Variants in MYO1F observed in about 807,000 individuals in gnomAD.
MYO1F encodes unconventional myosin-If.
A neutral mutation model predicts 146.6 loss-of-function variants in MYO1F; 60 were observed. The observed-to-expected ratio is 0.41, with a 90% confidence interval of 0.33 to 0.51. The LOEUF (loss-of-function observed/expected upper bound fraction) is 0.51. Ranked by LOEUF, MYO1F falls within the 20% of genes least tolerant of loss-of-function variation. The pLI, the probability that MYO1F is intolerant of heterozygous loss-of-function variation, is 0.25. For missense variants in MYO1F, 1,274 were observed against 1,534.3 expected, an observed-to-expected ratio of 0.83 and a Z score of 2.83; for synonymous variants, 602 against 602.1, an observed-to-expected ratio of 1.00 and a Z score of 0.00.
chr19:8,568,467 C>T (rs531396535), intron 1 of MYO1F, among the ~76,000 whole-genome samples: 17 of 144,790 alleles, frequency 1.2e-4, no homozygotes, highest in African/African-American at 2.8e-4. Flanking sequence ...CTGTTTGCAT[C>T]GAAGGGAGAG....
chr19:8,544,216 G>A, intron 14 of MYO1F, 81 bp downstream of exon 14: 1 of 1,466,784 alleles, frequency 6.8e-7, no homozygotes, highest in Non-Finnish European at 9.5e-7. Context: ...TCCAGCCTGG[G>A]TGCTGGAGGG....
intron 13 of MYO1F, 164 bp downstream of exon 13, chr19:8,545,486 G>A (rs1405405513): frequency 9.9e-6 from 7 of 710,184 alleles, no homozygotes; most frequent in Non-Finnish European, 1.8e-5. Flanking sequence ...GAATGGATGA[G>A]GGGCGGAAGG....
At chr19:8,540,115 G>A (rs1402705331) in intron 15 of MYO1F, 87 bp from the exon 16 acceptor site, 9 of 1,000,604 alleles carry the variant, frequency 9.0e-6, no homozygotes, top group South Asian at 1.5e-5. Context: ...CCTCAATGCC[G>A]CAACGCAAAA....
chr19:8,556,176 C>T (rs945392997), intron 1 of MYO1F, among the ~76,000 whole-genome samples: 4 of 151,132 alleles, frequency 2.6e-5, no homozygotes, highest in Non-Finnish European at 5.9e-5. Flanking sequence ...TTACAGGTGC[C>T]CACCACCATG....
At chr19:8,562,534 AT>A (rs1279133612) in intron 1 of MYO1F, among the ~76,000 whole-genome samples, 1 of 151,026 alleles carries the variant, frequency 6.6e-6, no homozygotes, top group Non-Finnish European at 1.5e-5. Flanking sequence ...TTAAAAATTT[AT>A]TTACTTATTT....
At chr19:8,547,990 C>CCCCCCCCCCCCCCGCT in intron 12 of MYO1F, 46 bp downstream of exon 12, 4 of 1,112,562 alleles carry the variant, frequency 3.6e-6, no homozygotes, top group African/African-American at 1.6e-5. Flanking sequence ...CCTTCCACCC[C>CCCCCCCCCCCCCCGCT]ACCCCCACCC....
At chr19:8,565,945 A>C (rs1009399255) in intron 1 of MYO1F, among the ~76,000 whole-genome samples, 1 of 151,888 alleles carries the variant, frequency 6.6e-6, no homozygotes, top group African/African-American at 2.4e-5. Flanking sequence ...ATAAAAAATA[A>C]AAAATAAATA....
intron 13 of MYO1F, among the ~76,000 whole-genome samples, chr19:8,544,926 G>A (rs1311603289): frequency 2.6e-5 from 4 of 151,544 alleles, no homozygotes; most frequent in African/African-American, 4.9e-5. Context: ...CAGGCATGCC[G>A]CCACCATGCC....
chr19:8,548,581 A>C lies in MYO1F; in HGVS notation c.1102-264T>G, dbSNP rs1483510982. On this transcript the variant is annotated intron_variant, in intron 10 of 27. Transcript: ENST00000644032. ...TGACTCTGCCCCTGAACCTCTCTGC[A>C]CCTCTATTTTCTTTTTTTTTTTTTC... Among the ~76,000 whole-genome samples the C allele has an allele frequency of 1.4e-4, 21 of 146,126 alleles. 1 individual carries two copies. Among genetic ancestry groups the C allele is most frequent in the African/African-American group, 4.3e-4 (17 of 39,962 alleles).
At chr19:8,566,616 C>T (rs1207821786) in intron 1 of MYO1F, among the ~76,000 whole-genome samples, 4 of 149,252 alleles carry the variant, frequency 2.7e-5, no homozygotes, top group African/African-American at 5.1e-5. Flanking sequence ...CTGGCTCAAG[C>T]GATTCTCCTG....
Position 8,522,756 on chromosome 19 carries a change from G to A in MYO1F, c.2928C>T (p.Gly976=), listed in dbSNP as rs893819278. 7 of 1,610,496 alleles carry A rather than the reference G, an allele frequency of 4.3e-6. No homozygotes were observed. Among genetic ancestry groups the A allele is most frequent in the South Asian group, 3.3e-5 (3 of 90,718 alleles). The change falls in exon 26 of 28, where the codon GGC becomes GGT. Residue 976 remains glycine (G), a synonymous_variant. Transcript: ENST00000644032. The part of the protein sequence containing the change: ...PLPLEIMSGG[G]THRPPRGPPS... ...GAGGGCCCCGGGGAGGCCTGTGGGT[G>A]CCCCCTCCAGACATGATCTCCAGGG...
chr19:8,528,388 C>T (rs1305990420), intron 21 of MYO1F, among the ~76,000 whole-genome samples: 3 of 151,810 alleles, frequency 2.0e-5, no homozygotes, highest in African/African-American at 7.3e-5. Flanking sequence ...ACTAGCTGGG[C>T]GTGGTGGCAC....
intron 19 of MYO1F, among the ~76,000 whole-genome samples, chr19:8,531,331 G>A (rs181884689): frequency 6.6e-6 from 1 of 152,226 alleles, no homozygotes; most frequent in African/African-American, 2.4e-5. Flanking sequence ...TGGGCAACAA[G>A]AGCAAAACTT....
chr19:8,524,733 C>T (rs1336778984), intron 25 of MYO1F, among the ~76,000 whole-genome samples: 1 of 152,118 alleles, frequency 6.6e-6, no homozygotes, highest in East Asian at 1.9e-4. Context: ...CCAGGAGTGG[C>T]TTTGCAGGGG....
chr19:8,526,482 C>G lies in MYO1F; in HGVS notation c.2741G>C (p.Ser914Thr), dbSNP rs371111771. 30 of 1,565,976 alleles carry G rather than the reference C, an allele frequency of 1.9e-5. No individual in the cohort carries two copies. The East Asian group carries it at 5.1e-4, about 27-fold the overall frequency. Residue 914 changes from serine (S) to threonine (T), a missense_variant, in exon 24 of 28, where the codon AGC becomes ACC. Ser to Thr is a moderately conservative substitution (Grantham distance 58, BLOSUM62 1). Coordinates refer to ENST00000644032, the MANE Select transcript of MYO1F (RefSeq NM_012335.4). The part of the protein sequence containing the change: ...LKVGGRTLTV[S>T]VGDGLPKSSK... The stretch of plus-strand genomic sequence containing the variant: ...GCTCTTGGGCAGCCCATCGCCCACG[C>G]TGACCGTGAGGGTCCGACCGCCAAC...
At chr19:8,562,815 T>C (rs1195687871) in intron 1 of MYO1F, among the ~76,000 whole-genome samples, 2 of 152,104 alleles carry the variant, frequency 1.3e-5, no homozygotes, top group East Asian at 3.9e-4. Flanking sequence ...ATTACAGGCA[T>C]GAGCCATGGT....
In MYO1F at chr19:8,522,645, C is replaced by G; in HGVS notation, c.3039G>C (p.Gln1013His). 1 of 1,613,868 alleles carries G rather than the reference C, an allele frequency of 6.2e-7. No homozygotes were observed. The highest frequency in any genetic ancestry group is 8.5e-7 in the Non-Finnish European group (1 of 1,179,952). Reference protein sequence around the residue: ...HNTEFLNVPDQGMAGMQRKRS... With the variant: ...HNTEFLNVPDHGMAGMQRKRS... The stretch of plus-strand genomic sequence containing the variant: ...CCCACCCCACCTACCCGGCCATGCC[C>G]TGGTCAGGCACGTTGAGGAATTCTG... The change falls in exon 26 of 28, where the codon CAG becomes CAC. Residue 1013 changes from glutamine (Q) to histidine (H), a missense_variant. By Grantham distance (24) the Gln-to-His change is conservative (BLOSUM62 0). Transcript: ENST00000644032.
intron 1 of MYO1F, among the ~76,000 whole-genome samples, chr19:8,556,116 C>T (rs1453821136): frequency 6.6e-6 from 1 of 151,610 alleles, no homozygotes; most frequent in Non-Finnish European, 1.5e-5. Context: ...GCAACATCCA[C>T]CTCCCGGGTT....
At chr19:8,556,980 A>G (rs1973888928) in intron 1 of MYO1F, among the ~76,000 whole-genome samples, 2 of 151,688 alleles carry the variant, frequency 1.3e-5, no homozygotes, top group East Asian at 3.9e-4. Flanking sequence ...AGGCAAAACT[A>G]TGAGGACAGT....
Sources: allele counts gnomAD v4.1 joint callset (sites outside exome capture counted in the v4.1 genomes callset), GRCh38; gene constraint gnomAD v4.1.1; transcripts MANE v1.5; gene names NCBI Gene and HGNC (gene_info 2026-07-23, HGNC 2026-07-21).